AKAP12: variants seen among roughly 807,000 people sequenced by gnomAD.
The protein encoded by AKAP12 is A-kinase anchoring protein 12.
AKAP12 carries 32 observed loss-of-function variants against 79.9 expected under a neutral mutation model. The observed-to-expected ratio is 0.40, with a 90% CI of 0.30 to 0.54. AKAP12 has a LOEUF of 0.54. Ranked by LOEUF, AKAP12 falls within the 20% of genes least tolerant of loss-of-function variation. The pLI is 0.48. For synonymous variants in AKAP12, 808 were observed against 857.0 expected, an observed-to-expected ratio of 0.94 and a Z score of 1.00; for missense variants, 2,074 against 2,177.0, an observed-to-expected ratio of 0.95 and a Z score of 0.94.
intron 2 of AKAP12, among the ~76,000 whole-genome samples, chr6:151,262,776 A>G (rs1020837548): frequency 6.6e-6 from 1 of 152,178 alleles, no homozygotes; most frequent in African/African-American, 2.4e-5. Context: ...TTATCACAAA[A>G]TAATAGACTT....
intron 3 of AKAP12, chr6:151,325,984 C>T (rs1196680406): frequency 9.0e-6 from 14 of 1,561,422 alleles, no homozygotes; most frequent in African/African-American, 6.8e-5. Flanking sequence ...GTGGGGAGCC[C>T]GGGAGGTCAG....
chr6:151,343,397 C>G (rs1458887527), intron 3 of AKAP12, among the ~76,000 whole-genome samples: 1 of 152,142 alleles, frequency 6.6e-6, no homozygotes, highest in Admixed American at 6.5e-5. Context: ...TGGAATTTTT[C>G]TTTTTTCTCT....
At chr6:151,281,217 C>T (rs993792149) in intron 2 of AKAP12, among the ~76,000 whole-genome samples, 1 of 152,176 alleles carries the variant, frequency 6.6e-6, no homozygotes, top group Non-Finnish European at 1.5e-5. Context: ...CCTCCCTCTA[C>T]AAACTGGATG....
chr6:151,268,830 G>T (rs1199373864), intron 2 of AKAP12, among the ~76,000 whole-genome samples: 1 of 151,864 alleles, frequency 6.6e-6, no homozygotes, highest in Admixed American at 6.6e-5. Flanking sequence ...TTTTTGTAGA[G>T]ACGGGGTTTC....
At chr6:151,245,087 A>G (rs553823368) in intron 2 of AKAP12, among the ~76,000 whole-genome samples, 1 of 152,354 alleles carries the variant, frequency 6.6e-6, no homozygotes, top group Admixed American at 6.5e-5. Context: ...AAATGGAAAT[A>G]AAATGTTTTG....
chr6:151,272,605 G>A (rs367650958), intron 2 of AKAP12, among the ~76,000 whole-genome samples: 72 of 151,890 alleles, frequency 4.7e-4, no homozygotes, highest in African/African-American at 1.6e-3. Flanking sequence ...CTGCAACCTC[G>A]GCTCACTGCA....
At chr6:151,250,754 C>T (rs1037642525) in intron 2 of AKAP12, among the ~76,000 whole-genome samples, 2 of 151,430 alleles carry the variant, frequency 1.3e-5, no homozygotes, top group East Asian at 2.0e-4. Context: ...TACAGGCGCC[C>T]GCCACCACGC....
Position 151,349,709 on chromosome 6 carries a change from G to C in AKAP12, c.1318G>C (p.Gly440Arg). ...EQKTEVEETA[G>R]SVPAEELVEM... Reference sequence around the variant, plus strand: ...GAAAACGGAGGTGGAAGAAACAGCAGGGTCTGTGCCAGCTGAAGAATTGGT... The same window carrying C: ...GAAAACGGAGGTGGAAGAAACAGCACGGTCTGTGCCAGCTGAAGAATTGGT... Residue 440 changes from glycine to arginine, a missense_variant, in exon 4 of 5, where the codon GGG (glycine) becomes CGG (arginine). By Grantham distance (125) the Gly-to-Arg change is moderately radical (BLOSUM62 -2). Transcript: ENST00000402676. The C allele has an allele frequency of 6.2e-7, 1 of 1,614,162 alleles. No individual in the cohort carries two copies. Among genetic ancestry groups the C allele is most frequent in the Non-Finnish European group, 8.5e-7 (1 of 1,180,028 alleles).
intron 2 of AKAP12, among the ~76,000 whole-genome samples, chr6:151,265,650 T>A (rs1332596178): frequency 6.6e-6 from 1 of 152,246 alleles, no homozygotes; most frequent in Non-Finnish European, 1.5e-5. Flanking sequence ...TTAGTTTAAA[T>A]TCAATATTTT....
intron 2 of AKAP12, among the ~76,000 whole-genome samples, chr6:151,288,043 A>G (rs1394872386): frequency 6.6e-6 from 1 of 151,248 alleles, no homozygotes; most frequent in Non-Finnish European, 1.5e-5. Flanking sequence ...GGAGGGGAAC[A>G]TCACACACCG....
intron 3 of AKAP12, chr6:151,324,523 C>T: frequency 2.0e-6 from 2 of 985,438 alleles, no homozygotes; most frequent in Non-Finnish European, 2.4e-6. Context: ...TTTGCTGTGC[C>T]CACTGTGGTC....
At chr6:151,241,075 G>C (rs1427084932) in intron 2 of AKAP12, among the ~76,000 whole-genome samples, 1 of 152,234 alleles carries the variant, frequency 6.6e-6, no homozygotes, top group Non-Finnish European at 1.5e-5. Context: ...GAGCTGCGCG[G>C]AGGGGGATCC....
chr6:151,301,653 A>G (rs1776864698), intron 2 of AKAP12, among the ~76,000 whole-genome samples: 1 of 152,214 alleles, frequency 6.6e-6, no homozygotes, highest in African/African-American at 2.4e-5. Flanking sequence ...CTAGGAATGA[A>G]GTCCCATTTT....
At chr6:151,263,325 A>T (rs1797474469) in intron 2 of AKAP12, among the ~76,000 whole-genome samples, 1 of 151,758 alleles carries the variant, frequency 6.6e-6, no homozygotes, top group Non-Finnish European at 1.5e-5. Flanking sequence ...ATGAGTCACC[A>T]CTTCTGGGCC....
chr6:151,311,052 C>T (rs1777088930), intron 3 of AKAP12, among the ~76,000 whole-genome samples: 2 of 152,164 alleles, frequency 1.3e-5, no homozygotes, highest in African/African-American at 2.4e-5. Context: ...GACGTAGCCT[C>T]AAACTTCTGG....
chr6:151,341,892 G>A lies in AKAP12; in HGVS notation c.320-6819G>A, dbSNP rs574497900. 146 of 940,370 alleles carry A rather than the reference G, an allele frequency of 1.6e-4. No homozygotes were observed. The African/African-American group carries it at 2.3e-3, about 15-fold the overall frequency. The allele number at this position is 940,370 out of a possible 1,614,324, so 58.3% of individuals were successfully genotyped here. A position where few individuals can be genotyped will look rare whatever the true frequency, so the allele number is the denominator to read the frequency against. On this transcript the variant is annotated intron_variant, in intron 3 of 4. Transcript: ENST00000402676. ...AGGTCGGGAAGGGCCTGCGCCCGTGGCATCCCAGCCCAGGCTGTAGAGCCG... is the reference window on the plus strand; with the variant it reads ...AGGTCGGGAAGGGCCTGCGCCCGTGACATCCCAGCCCAGGCTGTAGAGCCG...
At position 151,261,972 on chromosome 6, in the gene AKAP12, T is replaced by A. The variant is rs561865356; in HGVS notation, c.162+21248T>A. Among the ~76,000 whole-genome samples, 5 of 151,916 alleles carry A rather than the reference T, an allele frequency of 3.3e-5. No individual in the cohort carries two copies. In the East Asian group the frequency reaches 5.8e-4, roughly 18 times the overall value. ...GTGGCTGAGTTGTTATTTTTAAAAA[T>A]TTTTTTTGATACAGAGACTCACTCT... On this transcript the variant is annotated intron_variant, in intron 2 of 4. Transcript: ENST00000402676.
Position 151,240,401 on chromosome 6 carries a change from G to A in AKAP12, c.-162G>A, listed in dbSNP as rs1275872888. 7.7e-6 allele frequency: 5 copies of A among 647,406 alleles called. No individual in the cohort carries two copies. The highest frequency in any genetic ancestry group is 9.9e-5 in the South Asian group (2 of 20,192). 40.1% of individuals were successfully genotyped at this position (647,406 alleles called of 1,614,324 possible). On this transcript the variant is annotated 5_prime_UTR_variant, in exon 2 of 5. Coordinates refer to ENST00000402676, the MANE Select transcript of AKAP12 (RefSeq NM_005100.4). ...CTTTTAAGGAGTTTGCCGCGAGCGC[G>A]TCTCCTTCATTCGCAGGCTGGGCGC...
At chr6:151,343,511 C>T (rs780488500) in intron 3 of AKAP12, among the ~76,000 whole-genome samples, 2 of 152,162 alleles carry the variant, frequency 1.3e-5, no homozygotes, top group Non-Finnish European at 2.9e-5. Flanking sequence ...CCGCCAGGCA[C>T]GGTGGCTCAC....
Sources: allele counts gnomAD v4.1 joint callset (sites outside exome capture counted in the v4.1 genomes callset), GRCh38; gene constraint gnomAD v4.1.1; transcripts MANE v1.5; gene names NCBI Gene and HGNC (gene_info 2026-07-23, HGNC 2026-07-21).